MMP16: variants seen among roughly 807,000 people sequenced by gnomAD.
The protein encoded by MMP16 is matrix metalloproteinase-16.
In MMP16, 12 loss-of-function variants were observed where a neutral mutation model predicts 67.8. The ratio of observed to expected loss-of-function variants is 0.18; its 90% CI spans 0.11 to 0.29. The LOEUF (loss-of-function observed/expected upper bound fraction) is 0.29. Ranked by LOEUF, MMP16 falls within the 10% of genes least tolerant of loss-of-function variation. The pLI is 1.00. For synonymous variants in MMP16, 249 were observed against 255.9 expected, an observed-to-expected ratio of 0.97 and a Z score of 0.26; for missense variants, 475 against 765.7, an observed-to-expected ratio of 0.62 and a Z score of 4.48.
chr8:88,250,159 T>C (rs1810184204), intron 1 of MMP16, among the ~76,000 whole-genome samples: 2 of 152,044 alleles, frequency 1.3e-5, no homozygotes, highest in South Asian at 4.1e-4. Context: ...TAAACATTGA[T>C]TCTCAGTACC....
intron 4 of MMP16, among the ~76,000 whole-genome samples, chr8:88,151,323 G>A (rs907850126): frequency 6.7e-6 from 1 of 148,896 alleles, no homozygotes; most frequent in African/African-American, 2.5e-5. Flanking sequence ...AAGTCAACAA[G>A]GATACCCAGG....
intron 1 of MMP16, among the ~76,000 whole-genome samples, chr8:88,310,776 G>A (rs527662827): frequency 7.9e-5 from 12 of 151,924 alleles, no homozygotes; most frequent in Middle Eastern, 3.4e-3. Context: ...TATGCCCCCA[G>A]GCAAGAAGAG....
chr8:88,214,625 CATTT>C lies in MMP16; in HGVS notation c.133-17323_133-17320del, dbSNP rs1180431933. On this transcript the variant is annotated intron_variant, in intron 1 of 9. Coordinates refer to ENST00000286614, the MANE Select transcript of MMP16 (RefSeq NM_005941.5). ...TATGTACATTATCTCACATATTTAT[CATTT>C]ATTTGTGATGAGAACATTTAAAATT... 3.9e-5 allele frequency among the ~76,000 whole-genome samples: 6 copies of C among 152,074 alleles called. No homozygotes were observed. The East Asian group carries it at 9.6e-4, about 24-fold the overall frequency.
chr8:88,114,242 A>C (rs1440179025), intron 6 of MMP16, among the ~76,000 whole-genome samples: 3 of 151,724 alleles, frequency 2.0e-5, no homozygotes, highest in Non-Finnish European at 4.4e-5. Context: ...CTGAATTATA[A>C]GATTATCACT....
chr8:88,124,091 G>A (rs917491566), intron 4 of MMP16, among the ~76,000 whole-genome samples: 1 of 151,890 alleles, frequency 6.6e-6, no homozygotes, highest in Non-Finnish European at 1.5e-5. Context: ...ATGCACTTGC[G>A]AGTAGCATTT....
At chr8:88,257,221 T>G (rs907745008) in intron 1 of MMP16, among the ~76,000 whole-genome samples, 2 of 152,214 alleles carry the variant, frequency 1.3e-5, no homozygotes, top group Non-Finnish European at 2.9e-5. Flanking sequence ...AACAAACATG[T>G]TGAGACAGTC....
chr8:88,241,535 C>G (rs1377286441), intron 1 of MMP16, among the ~76,000 whole-genome samples: 1 of 151,758 alleles, frequency 6.6e-6, no homozygotes, highest in Non-Finnish European at 1.5e-5. Context: ...TTTTCTCTTT[C>G]TTTTTTAAAA....
chr8:88,309,761 T>C (rs1352002848), intron 1 of MMP16, among the ~76,000 whole-genome samples: 4 of 152,132 alleles, frequency 2.6e-5, no homozygotes, highest in African/African-American at 9.6e-5. Context: ...TCTCTGTTTT[T>C]ATCCTGCCTA....
At chr8:88,326,221 T>C (rs924578914) in intron 1 of MMP16, among the ~76,000 whole-genome samples, 2 of 152,214 alleles carry the variant, frequency 1.3e-5, no homozygotes, top group Non-Finnish European at 2.9e-5. Context: ...CTTTCATTGA[T>C]TTATTGCACA....
At chr8:88,098,356 C>T (rs1251254807) in intron 6 of MMP16, among the ~76,000 whole-genome samples, 1 of 151,970 alleles carries the variant, frequency 6.6e-6, no homozygotes, top group African/African-American at 2.4e-5. Flanking sequence ...TGACTGGTTG[C>T]CCACATGGGT....
intron 1 of MMP16, among the ~76,000 whole-genome samples, chr8:88,283,241 T>C (rs764027394): frequency 6.6e-6 from 1 of 152,216 alleles, no homozygotes; most frequent in Non-Finnish European, 1.5e-5. Flanking sequence ...GCCATTCTAC[T>C]CATATTCTTC....
At chr8:88,159,542 T>C (rs891864775) in intron 4 of MMP16, among the ~76,000 whole-genome samples, 4 of 151,994 alleles carry the variant, frequency 2.6e-5, no homozygotes, top group African/African-American at 9.7e-5. Context: ...AAGTTGCTTA[T>C]GGGGTTTCTA....
chr8:88,190,849 C>T (rs1307979805), intron 2 of MMP16, among the ~76,000 whole-genome samples: 5 of 151,926 alleles, frequency 3.3e-5, no homozygotes, highest in Non-Finnish European at 7.4e-5. Flanking sequence ...AGTGTCATTG[C>T]TTAAACATAG....
rs927826822 is a variant in MMP16 at position 88,148,997 on chromosome 8, G to A, written c.709+18672C>T. Among the ~76,000 whole-genome samples the A allele has an allele frequency of 1.3e-4, 20 of 152,316 alleles. 1 individual carries two copies. The highest frequency in any genetic ancestry group is 3.4e-3 in the Middle Eastern group (1 of 294). On this transcript the variant is annotated intron_variant, in intron 4 of 9. Transcript: ENST00000286614. The stretch of plus-strand genomic sequence containing the variant: ...GCCAGACAGTGGGCGCAGGCCAGTG[G>A]GTGCGCGCACCGGGCGCGAGCCAAA...
At chr8:88,250,620 C>G (rs1810195064) in intron 1 of MMP16, among the ~76,000 whole-genome samples, 1 of 151,794 alleles carries the variant, frequency 6.6e-6, no homozygotes, top group Non-Finnish European at 1.5e-5. Flanking sequence ...ACTCAAAAGA[C>G]CAATTAGTAG....
chr8:88,270,317 A>G (rs986025069), intron 1 of MMP16, among the ~76,000 whole-genome samples: 1 of 152,218 alleles, frequency 6.6e-6, no homozygotes, highest in African/African-American at 2.4e-5. Context: ...ATTTCCTCCA[A>G]AATTTATCAG....
intron 1 of MMP16, among the ~76,000 whole-genome samples, chr8:88,293,748 T>A (rs548467527): frequency 1.3e-5 from 2 of 152,232 alleles, no homozygotes; most frequent in South Asian, 4.1e-4. Context: ...AAACAATTTT[T>A]CCAAGACGGC....
intron 1 of MMP16, among the ~76,000 whole-genome samples, chr8:88,283,195 T>C (rs1810768416): frequency 6.6e-6 from 1 of 152,208 alleles, no homozygotes; most frequent in Non-Finnish European, 1.5e-5. Flanking sequence ...TCCATTTAAC[T>C]GTGGGACTTG....
chr8:88,315,477 G>C (rs762038144), intron 1 of MMP16, among the ~76,000 whole-genome samples: 2 of 152,100 alleles, frequency 1.3e-5, no homozygotes, highest in African/African-American at 2.4e-5. Context: ...CTCACCTAAG[G>C]TTCCAGGATT....
Sources: allele counts gnomAD v4.1 joint callset (sites outside exome capture counted in the v4.1 genomes callset), GRCh38; gene constraint gnomAD v4.1.1; transcripts MANE v1.5; gene names NCBI Gene and HGNC (gene_info 2026-07-23, HGNC 2026-07-21).